ADAMTS20: variants seen among roughly 807,000 people sequenced by gnomAD.
ADAMTS20 encodes the protein ADAM metallopeptidase with thrombospondin type 1 motif 20.
ADAMTS20 carries 225 observed loss-of-function variants against 260.1 expected under a neutral mutation model. That is an observed-to-expected ratio of 0.87 (90% CI 0.78 to 0.97). The LOEUF (loss-of-function observed/expected upper bound fraction) is 0.97, where lower values mean the gene tolerates loss of function less well. Ranked by LOEUF, ADAMTS20 falls within the 50% of genes least tolerant of loss-of-function variation. The pLI is 0.00. For synonymous variants in ADAMTS20, 802 were observed against 769.5 expected, an observed-to-expected ratio of 1.04 and a Z score of -0.70; for missense variants, 2,400 against 2,337.7, an observed-to-expected ratio of 1.03 and a Z score of -0.55.
At position 43,436,016 on chromosome 12, in the gene ADAMTS20, C is replaced by T. The variant is rs553386846; in HGVS notation, c.2594-1645G>A. ...AACATGATTATATACGTTATCTCTG[C>T]TCCTTTCTCAATATCTTTTGAAATG... On this transcript the variant is annotated intron_variant, in intron 18 of 38. Transcript: ENST00000389420. Among the ~76,000 whole-genome samples the T allele has an allele frequency of 2.6e-5, 4 of 152,164 alleles. No homozygotes were observed. In the South Asian group the frequency reaches 8.3e-4, roughly 32 times the overall value.
intron 28 of ADAMTS20, among the ~76,000 whole-genome samples, chr12:43,413,365 C>G (rs536322026): frequency 6.6e-6 from 1 of 152,162 alleles, no homozygotes; most frequent in South Asian, 2.1e-4. Context: ...AAGACATGAA[C>G]TTTCCTAAAT....
intron 6 of ADAMTS20, among the ~76,000 whole-genome samples, chr12:43,492,297 G>A (rs1329258890): frequency 6.6e-6 from 1 of 151,628 alleles, no homozygotes; most frequent in African/African-American, 2.4e-5. Context: ...GGAGAATGGC[G>A]TGAACCCAGG....
At chr12:43,421,495 A>C (rs1645129132) in intron 28 of ADAMTS20, among the ~76,000 whole-genome samples, 1 of 152,064 alleles carries the variant, frequency 6.6e-6, no homozygotes, top group African/African-American at 2.4e-5. Flanking sequence ...AATGAAACTT[A>C]GTGAGAAAAT....
At chr12:43,406,608 C>A (rs1263163413) in intron 28 of ADAMTS20, among the ~76,000 whole-genome samples, 7 of 151,826 alleles carry the variant, frequency 4.6e-5, no homozygotes, top group Non-Finnish European at 1.0e-4. Flanking sequence ...TTTTTAGAAG[C>A]CTATAATAAC....
At chr12:43,378,767 A>G (rs1391432106) in intron 31 of ADAMTS20, among the ~76,000 whole-genome samples, 2 of 152,210 alleles carry the variant, frequency 1.3e-5, no homozygotes, top group African/African-American at 4.8e-5. Context: ...ACATCCCTAG[A>G]GGGGTGACAT....
At chr12:43,412,802 ATTTTTTTTTTTTT>A (rs139458463) in intron 28 of ADAMTS20, among the ~76,000 whole-genome samples, 1 of 84,274 alleles carries the variant, frequency 1.2e-5, no homozygotes, top group Non-Finnish European at 2.1e-5. Flanking sequence ...ATAGGAAATA[ATTTTTTTTTTTTT>A]TTTTTTTTTT....
intron 29 of ADAMTS20, among the ~76,000 whole-genome samples, chr12:43,388,642 C>T (rs1940534011): frequency 6.6e-6 from 1 of 152,164 alleles, no homozygotes; most frequent in Admixed American, 6.5e-5. Context: ...TACATTTATT[C>T]CTGTCAACAG....
chr12:43,445,435 A>G (rs1941742084), intron 15 of ADAMTS20, among the ~76,000 whole-genome samples: 1 of 152,194 alleles, frequency 6.6e-6, no homozygotes, highest in Non-Finnish European at 1.5e-5. Flanking sequence ...TATAAAATGT[A>G]CTATGTTTTT....
intron 29 of ADAMTS20, among the ~76,000 whole-genome samples, chr12:43,388,929 G>A (rs1170847600): frequency 6.6e-6 from 1 of 152,150 alleles, no homozygotes; most frequent in Non-Finnish European, 1.5e-5. Context: ...TATGGAGGAA[G>A]GGATGAGCTA....
At chr12:43,421,328 A>G (rs1320668708) in intron 28 of ADAMTS20, among the ~76,000 whole-genome samples, 1 of 151,482 alleles carries the variant, frequency 6.6e-6, no homozygotes, top group African/African-American at 2.4e-5. Flanking sequence ...AGGAAAAACA[A>G]TCTTTAAGGC....
chr12:43,547,834 C>T (rs182185091), intron 2 of ADAMTS20, among the ~76,000 whole-genome samples: 246 of 152,250 alleles, frequency 1.6e-3, no homozygotes, highest in African/African-American at 5.8e-3. Flanking sequence ...AGTGAGCTCT[C>T]ATTGAACTAG....
chr12:43,520,231 A>G (rs897978007), intron 3 of ADAMTS20, among the ~76,000 whole-genome samples: 2 of 152,224 alleles, frequency 1.3e-5, no homozygotes, highest in African/African-American at 4.8e-5. Flanking sequence ...CATGCACATC[A>G]GGCAGTTTAT....
chr12:43,402,797 G>A (rs1272585688), intron 28 of ADAMTS20, among the ~76,000 whole-genome samples: 1 of 151,890 alleles, frequency 6.6e-6, no homozygotes, highest in African/African-American at 2.4e-5. Context: ...TTCATTTCTA[G>A]CATTCTCATC....
chr12:43,543,885 T>A (rs144390083), intron 2 of ADAMTS20, among the ~76,000 whole-genome samples: 2 of 152,214 alleles, frequency 1.3e-5, no homozygotes, highest in Admixed American at 6.5e-5. Flanking sequence ...AGATCCAGTA[T>A]ACCTTCTCCA....
chr12:43,460,790 A>G (rs1361700976), intron 11 of ADAMTS20, among the ~76,000 whole-genome samples: 1 of 151,638 alleles, frequency 6.6e-6, no homozygotes, highest in Non-Finnish European at 1.5e-5. Flanking sequence ...GATGAAGCTT[A>G]AAAATATTAT....
At chr12:43,370,425 C>T (rs1164514107) in intron 36 of ADAMTS20, among the ~76,000 whole-genome samples, 3 of 152,186 alleles carry the variant, frequency 2.0e-5, no homozygotes, top group Non-Finnish European at 4.4e-5. Flanking sequence ...GATAACTGGT[C>T]GTCATTCATC....
intron 27 of ADAMTS20, 69 bp downstream of exon 27, chr12:43,427,239 A>G: frequency 6.5e-7 from 1 of 1,532,324 alleles, no homozygotes; most frequent in Admixed American, 1.9e-5. Flanking sequence ...TGAACAGTAT[A>G]AGATGCTTTT....
chr12:43,386,847 T>C (rs1456410339), intron 29 of ADAMTS20, among the ~76,000 whole-genome samples: 1 of 152,232 alleles, frequency 6.6e-6, no homozygotes, highest in South Asian at 2.1e-4. Flanking sequence ...AGGTCATTTA[T>C]GTTCTTCTCT....
At chr12:43,389,032 A>G (rs1408769880) in intron 29 of ADAMTS20, among the ~76,000 whole-genome samples, 1 of 152,202 alleles carries the variant, frequency 6.6e-6, no homozygotes, top group Non-Finnish European at 1.5e-5. Flanking sequence ...ATAAATTTTG[A>G]AAGAACACAA....
Sources: allele counts gnomAD v4.1 joint callset (sites outside exome capture counted in the v4.1 genomes callset), GRCh38; gene constraint gnomAD v4.1.1; transcripts MANE v1.5; gene names NCBI Gene and HGNC (gene_info 2026-07-23, HGNC 2026-07-21).